NECTIN2: variants seen among roughly 807,000 people sequenced by gnomAD.
NECTIN2 encodes nectin-2.
NECTIN2 carries 23 observed loss-of-function variants against 56.9 expected under a neutral mutation model. The ratio of observed to expected loss-of-function variants is 0.40; its 90% CI spans 0.29 to 0.57. The LOEUF is 0.57. Among genes scored for constraint, NECTIN2 ranks in the 20% least tolerant of loss-of-function variants. NECTIN2 has a pLI of 0.38. For synonymous variants in NECTIN2, 302 were observed against 313.8 expected, an observed-to-expected ratio of 0.96 and a Z score of 0.40; for missense variants, 587 against 718.3, an observed-to-expected ratio of 0.82 and a Z score of 2.09.
At chr19:44,887,887 G>T (rs1173063930) in intron 8 of NECTIN2, among the ~76,000 whole-genome samples, 5 of 152,162 alleles carry the variant, frequency 3.3e-5, no homozygotes, top group African/African-American at 9.7e-5. Context: ...AGTGTCAAAA[G>T]TGAGTCCCAG....
Position 44,888,765 on chromosome 19 carries a change from T to G in NECTIN2, c.*386T>G. ...TCAGGTAGTAAATTCCCAATAGGTC[T>G]GCTGGAGTGGGCGCTGAGGGCTCCC... On this transcript the variant is annotated 3_prime_UTR_variant, in exon 9 of 9. Coordinates refer to ENST00000252483, the MANE Select transcript of NECTIN2 (RefSeq NM_001042724.2). 5.2e-6 allele frequency: 1 copy of G among 192,536 alleles called. No individual in the cohort carries two copies. Among genetic ancestry groups the G allele is most frequent in the East Asian group, 1.2e-4 (1 of 8,448 alleles). The allele number at this position is 192,536 out of a possible 1,614,324, so 11.9% of individuals were successfully genotyped here.
intron 5 of NECTIN2, chr19:44,878,285 C>T (rs2122700487): frequency 1.6e-6 from 2 of 1,285,220 alleles, no homozygotes; most frequent in South Asian, 1.3e-5. Flanking sequence ...GGGGGGGACA[C>T]TGCTGGTGCT....
At chr19:44,853,291 G>T (rs1968922878) in intron 1 of NECTIN2, among the ~76,000 whole-genome samples, 1 of 151,824 alleles carries the variant, frequency 6.6e-6, no homozygotes, top group South Asian at 2.1e-4. Context: ...CTGCCTCCCA[G>T]ATTCACGCCA....
intron 3 of NECTIN2, among the ~76,000 whole-genome samples, chr19:44,873,077 C>T (rs1969196421): frequency 6.6e-6 from 1 of 151,878 alleles, no homozygotes; most frequent in Non-Finnish European, 1.5e-5. Context: ...CAGAATCCCT[C>T]AAATACTGGC....
chr19:44,875,512 C>T lies in NECTIN2; in HGVS notation c.1042+1034C>T, dbSNP rs1403029607. On this transcript the variant is annotated intron_variant, in intron 5 of 8. Transcript: ENST00000252483. This position sits in a 1 kb window ranked among gnomAD's most constrained non-coding sequence, Gnocchi z 4.2. ...AACTGCTGACCTCAGGTGATCCACCCGCCTCGGCCTCACGAAGTGCTGGGA... is the reference window on the plus strand; with the variant it reads ...AACTGCTGACCTCAGGTGATCCACCTGCCTCGGCCTCACGAAGTGCTGGGA... Among the ~76,000 whole-genome samples, 3 of 152,270 alleles carry T rather than the reference C, an allele frequency of 2.0e-5. No homozygotes were observed. Among genetic ancestry groups the T allele is most frequent in the Non-Finnish European group, 2.9e-5 (2 of 68,022 alleles).
At position 44,874,417 on chromosome 19, in the gene NECTIN2, C is replaced by T. The variant is rs200558750; in HGVS notation, c.981C>T (p.Phe327=). 9.4e-5 allele frequency: 152 copies of T among 1,614,134 alleles called. No homozygotes were observed. The highest frequency in any genetic ancestry group is 1.2e-4 in the Admixed American group (7 of 60,012). Residue 327 remains phenylalanine (F), a synonymous_variant, in exon 5 of 9, where the codon TTC becomes TTT. Transcript: ENST00000252483. The surrounding 1 kb of genome is among the most constrained non-coding windows in gnomAD (Gnocchi z 6.3). The stretch of plus-strand genomic sequence containing the variant: ...TGGACAGTCTGTTCAATACCACCTT[C>T]GTCTGCACAGTCACCAATGCCGTGG... ...HAVDSLFNTT[F]VCTVTNAVGM... is the part of the protein sequence containing the mutation.
intron 5 of NECTIN2, chr19:44,878,393 G>A (rs557252984): frequency 2.2e-5 from 34 of 1,559,260 alleles, no homozygotes; most frequent in Admixed American, 3.9e-5. Context: ...CAGTGGCGAC[G>A]GGGGATTCTA....
At position 44,875,774 on chromosome 19, in the gene NECTIN2, C is replaced by T. The variant is rs1437490448; in HGVS notation, c.1042+1296C>T. On this transcript the variant is annotated intron_variant, in intron 5 of 8. Coordinates refer to ENST00000252483, the MANE Select transcript of NECTIN2 (RefSeq NM_001042724.2). This position sits in a 1 kb window ranked among gnomAD's most constrained non-coding sequence, Gnocchi z 4.2. ...GTCATAATCTTAGAATGCACACACACTTGCAGGGACACCCGAGGGAAAACA... is the reference window on the plus strand; with the variant it reads ...GTCATAATCTTAGAATGCACACACATTTGCAGGGACACCCGAGGGAAAACA... Among the ~76,000 whole-genome samples, 2 of 152,184 alleles carry T rather than the reference C, an allele frequency of 1.3e-5. No individual in the cohort carries two copies. Among genetic ancestry groups the T allele is most frequent in the African/African-American group, 4.8e-5 (2 of 41,438 alleles).
intron 2 of NECTIN2, among the ~76,000 whole-genome samples, chr19:44,868,925 AT>A (rs1283261622): frequency 2.0e-5 from 3 of 148,882 alleles, no homozygotes; most frequent in Admixed American, 6.7e-5. Flanking sequence ...AAAAAAAAAA[AT>A]ATGTTGGAAG....
At chr19:44,881,299 G>C (rs1969305177) in intron 5 of NECTIN2, among the ~76,000 whole-genome samples, 1 of 152,032 alleles carries the variant, frequency 6.6e-6, no homozygotes, top group Admixed American at 6.6e-5. Context: ...CTGTCTTCTA[G>C]CCGCCCCTGG....
chr19:44,886,250 TG>T (rs1969360406), intron 8 of NECTIN2, 31 bp downstream of exon 8: 2 of 1,572,098 alleles, frequency 1.3e-6, no homozygotes, highest in Admixed American at 3.4e-5. Flanking sequence ...AAAGGTGGGT[TG>T]GGGGTCTGGG....
chr19:44,865,657 A>T lies in NECTIN2; in HGVS notation c.475A>T (p.Ile159Leu). The change falls in exon 2 of 9, where the codon ATA (isoleucine) becomes TTA (leucine). Residue 159 changes from isoleucine (I) to leucine (L), a missense_variant. By Grantham distance (5) the Ile-to-Leu change is conservative. Coordinates refer to ENST00000252483, the MANE Select transcript of NECTIN2 (RefSeq NM_001042724.2). This position sits in a 1 kb window ranked among gnomAD's most constrained non-coding sequence, Gnocchi z 5.2. ...SVRGMTWLRV[I>L]AKPKNQAEAQ... ...CCGAGGGATGACCTGGCTCAGAGTCATAGGTGAGCAGGGTAAGGGCGGGAG... is the reference window on the plus strand; with the variant it reads ...CCGAGGGATGACCTGGCTCAGAGTCTTAGGTGAGCAGGGTAAGGGCGGGAG... 3 of 1,524,086 alleles carry T rather than the reference A, an allele frequency of 2.0e-6. No individual in the cohort carries two copies. 94.4% of individuals were successfully genotyped at this position (1,524,086 alleles called of 1,614,324 possible).
intron 3 of NECTIN2, 30 bp from the exon 4 acceptor site, chr19:44,873,886 T>A: frequency 6.5e-7 from 1 of 1,535,766 alleles, no homozygotes; most frequent in East Asian, 2.3e-5. Flanking sequence ...ATTCTCCTCC[T>A]TGCTGATCCA....
At chr19:44,867,639 C>T (rs1969116851) in intron 2 of NECTIN2, among the ~76,000 whole-genome samples, 1 of 152,088 alleles carries the variant, frequency 6.6e-6, no homozygotes, top group African/African-American at 2.4e-5. Context: ...CAGAGGGGCA[C>T]GGGCACAGAA....
intron 2 of NECTIN2, among the ~76,000 whole-genome samples, chr19:44,868,688 C>T (rs1185087180): frequency 3.4e-5 from 5 of 149,092 alleles, no homozygotes; most frequent in African/African-American, 5.0e-5. Flanking sequence ...CCGAGGCGGG[C>T]GGATCACGAG....
intron 5 of NECTIN2, among the ~76,000 whole-genome samples, chr19:44,879,637 G>T (rs989651587): frequency 1.3e-5 from 2 of 152,148 alleles, no homozygotes; most frequent in African/African-American, 4.8e-5. Context: ...AAAGACGGGG[G>T]GAGGGGCGGC....
At chr19:44,868,449 T>C (rs144146674) in intron 2 of NECTIN2, among the ~76,000 whole-genome samples, 4,376 of 99,196 alleles carry the variant, frequency 0.044, 130 homozygotes, top group Admixed American at 0.14. Flanking sequence ...AGGATGCTTT[T>C]TTTTCTTTTC....
In NECTIN2 at chr19:44,885,922, C is replaced by T; in HGVS notation, c.1197-15C>T. ...TGGGTCTTAATCTCCACTTGTCCTA[C>T]CTCCTACCCCACAGCCTGGAGGGAC... On this transcript the variant is annotated splice_polypyrimidine_tract_variant and intron_variant, in intron 6 of 8. Transcript: ENST00000252483. 4 of 1,556,572 alleles carry T rather than the reference C, an allele frequency of 2.6e-6. No individual in the cohort carries two copies. Among genetic ancestry groups the T allele is most frequent in the Non-Finnish European group, 2.7e-6 (3 of 1,127,886 alleles).
intron 3 of NECTIN2, 100 bp downstream of exon 3, chr19:44,872,249 C>A: frequency 7.5e-7 from 1 of 1,337,862 alleles, no homozygotes; most frequent in Non-Finnish European, 1.0e-6. Flanking sequence ...TACGTGGGTT[C>A]CCTGAAGCCA....
Sources: gnomAD v4.1 joint callset for allele counts (sites outside exome capture counted in the v4.1 genomes callset) on GRCh38, gnomAD v4.1.1 for gene constraint, Gnocchi (gnomAD v3.1) non-coding constraint, MANE v1.5 for transcripts, NCBI Gene and HGNC (gene_info 2026-07-23, HGNC 2026-07-21) for gene names.